The following CADM2 variants were observed in gnomAD, a reference collection of about 807,000 sequenced individuals.
CADM2 encodes the protein immunoglobulin superfamily member 4D.
In CADM2, 12 loss-of-function variants were observed where a neutral mutation model predicts 49.8. The ratio of observed to expected loss-of-function variants is 0.24; its 90% CI spans 0.15 to 0.39. CADM2 has a LOEUF of 0.39. Ranked by LOEUF, CADM2 falls within the 10% of genes least tolerant of loss-of-function variation. CADM2 has a pLI of 1.00. For missense variants in CADM2, 378 were observed against 492.3 expected (o/e 0.77, Z 2.20); for synonymous variants, 214 against 175.4 (o/e 1.22, Z -1.74).
At chr3:85,711,782 T>C (rs566183549) in intron 1 of CADM2, among the ~76,000 whole-genome samples, 2 of 152,316 alleles carry the variant, frequency 1.3e-5, no homozygotes, top group Non-Finnish European at 2.9e-5. Context: ...TGGCCTACTG[T>C]AATTTTTAAG....
At chr3:85,998,478 T>C (rs538407903) in intron 8 of CADM2, among the ~76,000 whole-genome samples, 12 of 152,260 alleles carry the variant, frequency 7.9e-5, no homozygotes, top group African/African-American at 2.6e-4. Context: ...CAAAAATATA[T>C]AAAGAGAGCA....
chr3:85,961,852 A>C (rs557669574), intron 8 of CADM2, among the ~76,000 whole-genome samples: 2 of 151,304 alleles, frequency 1.3e-5, no homozygotes, highest in African/African-American at 2.4e-5. Flanking sequence ...CATACATAAA[A>C]TTTTTTTTTG....
At chr3:85,697,555 G>C (rs535762491) in intron 1 of CADM2, among the ~76,000 whole-genome samples, 62 of 152,192 alleles carry the variant, frequency 4.1e-4, no homozygotes, top group African/African-American at 1.4e-3. Flanking sequence ...TGTTTTTGTT[G>C]TACTTCTTAA....
intron 1 of CADM2, among the ~76,000 whole-genome samples, chr3:85,258,332 C>T (rs2042936290): frequency 6.6e-6 from 1 of 152,126 alleles, no homozygotes; most frequent in Non-Finnish European, 1.5e-5. Flanking sequence ...ATGGTTTTCC[C>T]TATTTTTTGT....
At chr3:85,684,781 A>G (rs1411770732) in intron 1 of CADM2, among the ~76,000 whole-genome samples, 1 of 152,156 alleles carries the variant, frequency 6.6e-6, no homozygotes, top group African/African-American at 2.4e-5. Flanking sequence ...AGAGAACTGT[A>G]CTGGGGAAAC....
chr3:85,054,870 G>C (rs1368105094), intron 1 of CADM2, among the ~76,000 whole-genome samples: 1 of 151,768 alleles, frequency 6.6e-6, no homozygotes, highest in Non-Finnish European at 1.5e-5. Context: ...TGAGTAAATA[G>C]CCTCAAGTCT....
chr3:85,855,585 C>CATAT (rs10537641), intron 3 of CADM2, among the ~76,000 whole-genome samples: 20 of 120,174 alleles, frequency 1.7e-4, no homozygotes, highest in Middle Eastern at 4.3e-3. Flanking sequence ...ATATAAAAAA[C>CATAT]ATATATATAT....
chr3:85,615,263 A>G (rs1345210778), intron 1 of CADM2, among the ~76,000 whole-genome samples: 3 of 151,932 alleles, frequency 2.0e-5, no homozygotes, highest in African/African-American at 7.2e-5. Context: ...AAGAAAGAAA[A>G]AGGAAGGAAG....
At chr3:86,011,592 AG>A (rs1402106548) in intron 8 of CADM2, among the ~76,000 whole-genome samples, 3 of 152,084 alleles carry the variant, frequency 2.0e-5, no homozygotes, top group Non-Finnish European at 2.9e-5. Flanking sequence ...GAAGAAGAGA[AG>A]GAAGAGTCAG....
intron 2 of CADM2, among the ~76,000 whole-genome samples, chr3:85,738,158 G>A (rs992009018): frequency 4.7e-5 from 5 of 105,974 alleles, no homozygotes; most frequent in Admixed American, 1.8e-4. Context: ...TCCCAGTAAC[G>A]TATATTCACA....
chr3:85,461,985 C>T (rs1238599928), intron 1 of CADM2, among the ~76,000 whole-genome samples: 1 of 152,084 alleles, frequency 6.6e-6, no homozygotes, highest in African/African-American at 2.4e-5. Context: ...TGCTCTGATT[C>T]CACAGTACTT....
At chr3:85,532,859 A>G (rs2061345504) in intron 1 of CADM2, among the ~76,000 whole-genome samples, 1 of 152,188 alleles carries the variant, frequency 6.6e-6, no homozygotes, top group African/African-American at 2.4e-5. Context: ...TTGCAGGGAC[A>G]TGGATGGAGC....
intron 1 of CADM2, among the ~76,000 whole-genome samples, chr3:85,419,108 A>T (rs2036045549): frequency 1.3e-5 from 2 of 151,722 alleles, no homozygotes; most frequent in South Asian, 4.1e-4. Context: ...GACTGGTCTA[A>T]CTCATTTAGA....
chr3:85,765,962 C>G (rs1024215251), intron 2 of CADM2, among the ~76,000 whole-genome samples: 17 of 152,092 alleles, frequency 1.1e-4, no homozygotes, highest in African/African-American at 4.1e-4. Context: ...AAATGCCCCT[C>G]ATATGCAAAT....
intron 1 of CADM2, among the ~76,000 whole-genome samples, chr3:85,442,588 G>A (rs2037254302): frequency 1.7e-5 from 2 of 120,932 alleles, no homozygotes; most frequent in African/African-American, 9.0e-5. Context: ...TTATATATGA[G>A]TATATATATA....
intron 3 of CADM2, among the ~76,000 whole-genome samples, chr3:85,804,379 A>C (rs2108087917): frequency 6.6e-6 from 1 of 152,324 alleles, no homozygotes; most frequent in South Asian, 2.1e-4. Context: ...TGTTTAATGA[A>C]GCAATCTTGC....
chr3:85,796,847 A>G (rs1397656646), intron 2 of CADM2, among the ~76,000 whole-genome samples: 1 of 152,110 alleles, frequency 6.6e-6, no homozygotes, highest in East Asian at 1.9e-4. Context: ...CTGTAATCCC[A>G]GCACTTTAAG....
rs140395824 is a variant in CADM2, at chr3:85,355,965, G to A, written c.62-370557G>A. 2.4e-4 allele frequency among the ~76,000 whole-genome samples: 37 copies of A among 152,174 alleles called. No individual in the cohort carries two copies. In the East Asian group the frequency reaches 6.4e-3, roughly 26 times the overall value. On this transcript the variant is annotated intron_variant, in intron 1 of 9. Transcript: ENST00000383699. The stretch of plus-strand genomic sequence containing the variant: ...AAATAGAGGGTCAACTTTAAACTTA[G>A]GTGGAGATATAAATGTTGTGATCCA...
At chr3:85,057,580 A>AT (rs200619431) in intron 1 of CADM2, among the ~76,000 whole-genome samples, 3 of 152,008 alleles carry the variant, frequency 2.0e-5, no homozygotes, top group Admixed American at 1.3e-4. Flanking sequence ...GTTTCTTGAG[A>AT]TTTTTTTCTT....
Sources: gnomAD v4.1 joint callset for allele counts (sites outside exome capture counted in the v4.1 genomes callset) on GRCh38, gnomAD v4.1.1 for gene constraint, MANE v1.5 for transcripts, NCBI Gene and HGNC (gene_info 2026-07-23, HGNC 2026-07-21) for gene names.